The following NALCN variants were observed in gnomAD, a reference collection of about 807,000 sequenced individuals.
The protein encoded by NALCN is sodium leak channel NALCN.
In NALCN, 111 loss-of-function variants were observed where a neutral mutation model predicts 225.3. The ratio of observed to expected loss-of-function variants is 0.49; its 90% CI spans 0.42 to 0.58. The LOEUF is 0.58. NALCN is among the 20% of genes least tolerant of loss of function. The pLI, the probability that NALCN is intolerant of heterozygous loss-of-function variation, is 0.00. For missense variants in NALCN, 1,378 were observed against 2,202.4 expected, an observed-to-expected ratio of 0.63 and a Z score of 7.49; for synonymous variants, 764 against 769.0, an observed-to-expected ratio of 0.99 and a Z score of 0.11.
rs187470977 is a variant in NALCN, at chr13:101,389,756, C to T, written c.291+5427G>A. ...CCAAACAAACGGATCATGATGAAGC[C>T]CTTGTAAAAACATTACAGAATAAGA... On this transcript the variant is annotated intron_variant, in intron 3 of 43. Transcript: ENST00000251127. Among the ~76,000 whole-genome samples the T allele has an allele frequency of 1.2e-4, 18 of 152,240 alleles. No individual in the cohort carries two copies. In the East Asian group the frequency reaches 3.3e-3, roughly 28 times the overall value.
intron 9 of NALCN, among the ~76,000 whole-genome samples, chr13:101,289,227 A>G (rs1424837586): frequency 6.6e-6 from 1 of 152,178 alleles, no homozygotes; most frequent in Non-Finnish European, 1.5e-5. Context: ...CAGAGGCCAG[A>G]GTCAATATTT....
Position 101,092,292 on chromosome 13 carries a change from G to T in NALCN, c.3270-2326C>A, listed in dbSNP as rs74119240. On this transcript the variant is annotated intron_variant, in intron 28 of 43. Transcript: ENST00000251127. ...CTGCTCTTCCCTTGGGGAACATGGG[G>T]GCACCCTGAAGACGTGACTGAGCGT... Among the ~76,000 whole-genome samples the T allele has an allele frequency of 3.8e-3, 580 of 152,274 alleles. 2 individuals are homozygous for T. The highest frequency in any genetic ancestry group is 0.014 in the African/African-American group (562 of 41,556).
At chr13:101,231,476 A>G (rs1363812022) in intron 12 of NALCN, among the ~76,000 whole-genome samples, 1 of 152,230 alleles carries the variant, frequency 6.6e-6, no homozygotes, top group African/African-American at 2.4e-5. Flanking sequence ...ATATAGTGTG[A>G]AAAATACAAC....
intron 15 of NALCN, among the ~76,000 whole-genome samples, chr13:101,159,764 T>C (rs2038072167): frequency 1.3e-5 from 2 of 151,808 alleles, no homozygotes; most frequent in African/African-American, 4.8e-5. Context: ...TTGGATGACA[T>C]AAAACAATCA....
intron 15 of NALCN, among the ~76,000 whole-genome samples, chr13:101,172,709 G>T (rs1001558461): frequency 6.6e-6 from 1 of 151,652 alleles, no homozygotes; most frequent in Non-Finnish European, 1.5e-5. Context: ...ACAGGTGCCC[G>T]CCACCACGCG....
intron 18 of NALCN, chr13:101,116,897 T>G (rs751490788): frequency 1.6e-5 from 8 of 498,922 alleles, no homozygotes; most frequent in Non-Finnish European, 2.0e-5. Flanking sequence ...AGATAATGAG[T>G]ATTTCCTGGA....
At chr13:101,112,457 G>T (rs539012748) in intron 18 of NALCN, among the ~76,000 whole-genome samples, 1 of 152,286 alleles carries the variant, frequency 6.6e-6, no homozygotes, top group Non-Finnish European at 1.5e-5. Context: ...CTCCAACTGG[G>T]AATGACAGGA....
chr13:101,111,282 T>C, intron 18 of NALCN, 56 bp from the exon 19 acceptor site: 1,309 of 1,127,098 alleles, frequency 1.2e-3, no homozygotes, highest in Non-Finnish European at 1.5e-3. Context: ...TTGAGATGAA[T>C]AACACATAAG....
At chr13:101,230,681 C>T (rs529285474) in intron 12 of NALCN, among the ~76,000 whole-genome samples, 1 of 152,180 alleles carries the variant, frequency 6.6e-6, no homozygotes, top group Non-Finnish European at 1.5e-5. Flanking sequence ...CTGTCCAACC[C>T]GACAGGCTGG....
chr13:101,343,373 G>C (rs915531820), intron 7 of NALCN, among the ~76,000 whole-genome samples: 1 of 152,156 alleles, frequency 6.6e-6, no homozygotes, highest in Non-Finnish European at 1.5e-5. Context: ...AGAAAGGAAG[G>C]AGTCATGAGG....
At chr13:101,127,912 TAA>T (rs1322014060) in intron 17 of NALCN, among the ~76,000 whole-genome samples, 1 of 151,926 alleles carries the variant, frequency 6.6e-6, no homozygotes, top group African/African-American at 2.4e-5. Context: ...GTGCTAAACA[TAA>T]AGAGCTCAGA....
intron 15 of NALCN, among the ~76,000 whole-genome samples, chr13:101,150,145 G>A (rs1201271101): frequency 1.6e-5 from 1 of 61,670 alleles, no homozygotes; most frequent in Non-Finnish European, 3.2e-5. Flanking sequence ...CAACAACAGA[G>A]TACATACTGT....
intron 3 of NALCN, among the ~76,000 whole-genome samples, chr13:101,388,642 A>T (rs2047059187): frequency 6.6e-6 from 1 of 152,226 alleles, no homozygotes; most frequent in Non-Finnish European, 1.5e-5. Flanking sequence ...TAATTTATAT[A>T]TTAAGTATGC....
At chr13:101,301,713 T>G (rs1375404603) in intron 7 of NALCN, among the ~76,000 whole-genome samples, 1 of 140,814 alleles carries the variant, frequency 7.1e-6, no homozygotes, top group Non-Finnish European at 1.6e-5. Context: ...AGAGCAAGAC[T>G]CTGTCTCAAA....
chr13:101,090,817 T>C (rs548963447), intron 28 of NALCN, among the ~76,000 whole-genome samples: 29 of 152,242 alleles, frequency 1.9e-4, no homozygotes, highest in South Asian at 4.1e-4. Context: ...ATTACTCAGA[T>C]AGTGCACGCA....
intron 17 of NALCN, among the ~76,000 whole-genome samples, chr13:101,138,330 T>C (rs879340256): frequency 1.3e-5 from 2 of 152,224 alleles, no homozygotes; most frequent in African/African-American, 2.4e-5. Context: ...CAAAACATAG[T>C]CATTCCAATG....
At chr13:101,398,448 T>C (rs2047376778) in intron 2 of NALCN, among the ~76,000 whole-genome samples, 1 of 152,204 alleles carries the variant, frequency 6.6e-6, no homozygotes, top group African/African-American at 2.4e-5. Flanking sequence ...TGGATATGCA[T>C]GCCTGTCAGG....
chr13:101,173,125 A>G (rs2038812756), intron 15 of NALCN, among the ~76,000 whole-genome samples: 1 of 152,220 alleles, frequency 6.6e-6, no homozygotes, highest in South Asian at 2.1e-4. Flanking sequence ...GGCTCTGATT[A>G]GATCCTCTGA....
At chr13:101,300,564 C>T (rs1977047827) in intron 7 of NALCN, among the ~76,000 whole-genome samples, 1 of 152,088 alleles carries the variant, frequency 6.6e-6, no homozygotes, top group Admixed American at 6.6e-5. Context: ...AATTTTCTGC[C>T]TCAGCCTCCC....
Sources: allele counts gnomAD v4.1 joint callset (sites outside exome capture counted in the v4.1 genomes callset), GRCh38; gene constraint gnomAD v4.1.1; transcripts MANE v1.5; gene names NCBI Gene and HGNC (gene_info 2026-07-23, HGNC 2026-07-21).